PIEZO2: variants seen among roughly 807,000 people sequenced by gnomAD.
PIEZO2 encodes piezo type mechanosensitive ion channel component 2, also known as piezo-type mechanosensitive ion channel component 2.
Under a neutral mutation model 337.3 loss-of-function variants are expected in PIEZO2, and 172 were observed. The ratio of observed to expected loss-of-function variants is 0.51; its 90% confidence interval spans 0.45 to 0.58. The LOEUF is 0.58. Ranked by LOEUF, PIEZO2 falls within the 20% of genes least tolerant of loss-of-function variation. The probability of loss-of-function intolerance (pLI) is 0.00; values close to 1 mark genes in which losing one functional copy is unlikely to be tolerated. For synonymous variants in PIEZO2, 1,251 were observed against 1,228.5 expected (o/e 1.02, Z -0.38); for missense variants, 3,028 against 3,391.3 (o/e 0.89, Z 2.66).
intron 1 of PIEZO2, among the ~76,000 whole-genome samples, chr18:11,090,513 C>G (rs1243636347): frequency 6.6e-6 from 1 of 152,166 alleles, no homozygotes; most frequent in Non-Finnish European, 1.5e-5. Context: ...TATTTCCAAC[C>G]TGAAAGGGTA....
chr18:10,736,169 C>G (rs2036985866), intron 34 of PIEZO2, among the ~76,000 whole-genome samples: 1 of 152,174 alleles, frequency 6.6e-6, no homozygotes, highest in Admixed American at 6.5e-5. Context: ...TTTTCAAACT[C>G]TGAAGCAACA....
intron 2 of PIEZO2, among the ~76,000 whole-genome samples, chr18:11,010,445 C>CAG (rs1316942090): frequency 3.0e-4 from 46 of 152,176 alleles, no homozygotes; most frequent in Admixed American, 3.0e-3. Flanking sequence ...ACACAATCCT[C>CAG]TAAGAGCCAA....
At chr18:10,786,975 T>G in intron 16 of PIEZO2, 61 bp downstream of exon 16, 1 of 1,426,138 alleles carries the variant, frequency 7.0e-7, no homozygotes. Flanking sequence ...TTAAAGATGC[T>G]TTGAACAATA....
In PIEZO2 at chr18:10,682,826, G is replaced by A. The variant is rs188076092; in HGVS notation, c.7498-534C>T. On this transcript the variant is annotated intron_variant, in intron 49 of 55. Transcript: ENST00000674853. This position sits in a 1 kb window ranked among gnomAD's most constrained non-coding sequence, Gnocchi z 5.6. ...AGGTAAGATTTGTATGATTAGAAGA[G>A]CCCCCTCTGGGCACTGGCTGTAGGG... Among the ~76,000 whole-genome samples the A allele has an allele frequency of 2.6e-5, 4 of 151,962 alleles. No individual in the cohort carries two copies. The highest frequency in any genetic ancestry group is 9.6e-5 in the African/African-American group (4 of 41,484).
chr18:11,115,341 C>A (rs141198281), intron 1 of PIEZO2, among the ~76,000 whole-genome samples: 5 of 152,064 alleles, frequency 3.3e-5, no homozygotes, highest in Middle Eastern at 3.2e-3. Flanking sequence ...ACAAAAGAAC[C>A]AAAATCCTTG....
In PIEZO2 at chr18:10,773,473, G is replaced by C; in HGVS notation, c.2724C>G (p.Ser908Arg). 1 of 1,537,312 alleles carries C rather than the reference G, an allele frequency of 6.5e-7. No individual in the cohort carries two copies. Among genetic ancestry groups the C allele is most frequent in the Non-Finnish European group, 8.7e-7 (1 of 1,146,956 alleles). Residue 908 changes from serine (S) to arginine (R), a missense_variant, in exon 20 of 56, where the codon AGC becomes AGG. Physicochemically the swap from Ser to Arg is moderately radical, Grantham distance 110. Transcript: ENST00000674853. This position sits in a 1 kb window ranked among gnomAD's most constrained non-coding sequence, Gnocchi z 5.3. Reference sequence around the variant, plus strand: ...CCTCTCCGTCCTCCTCTGACTCCTCGCTGTCTTTCCCAAGATCACCCTTCT... The same window carrying C: ...CCTCTCCGTCCTCCTCTGACTCCTCCCTGTCTTTCCCAAGATCACCCTTCT... ...KAQKGDLGKD[S>R]EESEEDGEEE...
chr18:10,909,118 G>A (rs2030230998), intron 4 of PIEZO2, among the ~76,000 whole-genome samples: 1 of 152,176 alleles, frequency 6.6e-6, no homozygotes, highest in Non-Finnish European at 1.5e-5. Flanking sequence ...CAGGAAACAC[G>A]AAAACGATAG....
chr18:10,961,973 C>T (rs921641746), intron 3 of PIEZO2, among the ~76,000 whole-genome samples: 6 of 152,102 alleles, frequency 3.9e-5, no homozygotes, highest in African/African-American at 1.4e-4. Flanking sequence ...TTGGCTTTCC[C>T]TGGAGGGTGT....
At chr18:10,966,351 C>A (rs2033999364) in intron 3 of PIEZO2, among the ~76,000 whole-genome samples, 1 of 152,316 alleles carries the variant, frequency 6.6e-6, no homozygotes, top group Middle Eastern at 3.4e-3. Flanking sequence ...AGCTGTCATT[C>A]CTTCTGGATG....
At position 10,724,763 on chromosome 18, in the gene PIEZO2, T is replaced by G. The variant is rs1421178495; in HGVS notation, c.5030-6504A>C. On this transcript the variant is annotated intron_variant, in intron 36 of 55. Transcript: ENST00000674853. This position sits in a 1 kb window ranked among gnomAD's most constrained non-coding sequence, Gnocchi z 5.8. ...TGGTCTCAGTCCCTGGCCTTGCCCGTGGCTCTGGCAGTCCCCCCAGCACTG... is the reference window on the plus strand; with the variant it reads ...TGGTCTCAGTCCCTGGCCTTGCCCGGGGCTCTGGCAGTCCCCCCAGCACTG... 6.4e-7 allele frequency: 1 copy of G among 1,564,264 alleles called. No homozygotes were observed. Among genetic ancestry groups the G allele is most frequent in the Non-Finnish European group, 8.7e-7 (1 of 1,152,350 alleles).
chr18:10,930,775 GTTA>G (rs1168275900), intron 3 of PIEZO2, among the ~76,000 whole-genome samples: 1 of 152,166 alleles, frequency 6.6e-6, no homozygotes, highest in African/African-American at 2.4e-5. Context: ...GACATAGGCA[GTTA>G]TTAAAGATAA....
chr18:11,058,163 A>G (rs979019661), intron 2 of PIEZO2, among the ~76,000 whole-genome samples: 2 of 152,224 alleles, frequency 1.3e-5, no homozygotes, highest in African/African-American at 4.8e-5. Context: ...ACTGTTCTGC[A>G]GCCTCCGCTG....
In PIEZO2 at chr18:11,146,683, A is replaced by G. The variant is rs529306083; in HGVS notation, c.64+1842T>C. 6.6e-6 allele frequency among the ~76,000 whole-genome samples: 1 copy of G among 152,360 alleles called. No individual in the cohort carries two copies. Among genetic ancestry groups the G allele is most frequent in the Admixed American group, 6.5e-5 (1 of 15,308 alleles). On this transcript the variant is annotated intron_variant, in intron 1 of 55. Transcript: ENST00000674853. The surrounding 1 kb of genome is among the most constrained non-coding windows in gnomAD (Gnocchi z 6.1). ...GCCCAACCTGCAAGAGCCTATGCTC[A>G]GGGCAAGGTCGCAGGCAATCGCTGC...
intron 2 of PIEZO2, among the ~76,000 whole-genome samples, chr18:11,050,080 T>C (rs12959542): frequency 0.28 from 42,178 of 151,962 alleles, 6,878 homozygotes; most frequent in East Asian, 0.61. Context: ...AAGGCAACAA[T>C]GGAATATGAC....
rs141137670 is a variant in PIEZO2, at chr18:11,003,251, G to GT, written c.161-23592dup. Among the ~76,000 whole-genome samples, 2,277 of 151,740 alleles carry GT rather than the reference G, an allele frequency of 0.015. 65 individuals are homozygous for GT. Among genetic ancestry groups the GT allele is most frequent in the African/African-American group, 0.051 (2,084 of 41,100 alleles). ...TCTGGTCTAGGATGTGTTTTCTTTTGTTGTTTGTTTGTTTTGTTTTGTTTT... is the reference window on the plus strand; with the variant it reads ...TCTGGTCTAGGATGTGTTTTCTTTTGTTTGTTTGTTTGTTTTGTTTTGTTTT... On this transcript the variant is annotated intron_variant, in intron 2 of 55. Transcript: ENST00000674853. The surrounding 1 kb of genome is among the most constrained non-coding windows in gnomAD (Gnocchi z 4.6).
rs934508779 is a variant in PIEZO2 at position 10,671,324 on chromosome 18, T to C, written c.*203A>G. 4 of 488,262 alleles carry C rather than the reference T, an allele frequency of 8.2e-6. No individual in the cohort carries two copies. The highest frequency in any genetic ancestry group is 1.4e-5 in the Non-Finnish European group (4 of 282,578). The allele number at this position is 488,262 out of a possible 1,614,324, so 30.2% of individuals were successfully genotyped here. ...GCAAGTAGCCCTGATTTCAGAGAAA[T>C]GGAGTTACAAATAACATTTTCAACA... On this transcript the variant is annotated 3_prime_UTR_variant, in exon 56 of 56. Coordinates refer to ENST00000674853, the MANE Select transcript of PIEZO2 (RefSeq NM_001378183.1).
In PIEZO2 at chr18:11,075,477, G is replaced by A. The variant is rs546393604; in HGVS notation, c.65-9255C>T. 2.6e-5 allele frequency among the ~76,000 whole-genome samples: 4 copies of A among 152,324 alleles called. No homozygotes were observed. The East Asian group carries it at 7.7e-4, about 29-fold the overall frequency. On this transcript the variant is annotated intron_variant, in intron 1 of 55. Coordinates refer to ENST00000674853, the MANE Select transcript of PIEZO2 (RefSeq NM_001378183.1). Reference sequence around the variant, plus strand: ...ATCTACTCTGTGTTTTACATCGGTTGAAACCGTAAATGTCTCAAACAGCGA... The same window carrying A: ...ATCTACTCTGTGTTTTACATCGGTTAAAACCGTAAATGTCTCAAACAGCGA...
rs1220298388 is a variant in PIEZO2, at chr18:10,782,489, ATAT to A, written c.2493-2126_2493-2124del. Among the ~76,000 whole-genome samples the A allele has an allele frequency of 5.4e-5, 7 of 129,920 alleles. No homozygotes were observed. In the East Asian group the frequency reaches 8.1e-4, roughly 15 times the overall value. 85.2% of individuals were successfully genotyped at this position (129,920 alleles called of 152,430 possible). A position where few individuals can be genotyped will look rare whatever the true frequency, so the allele number is the denominator to read the frequency against. On this transcript the variant is annotated intron_variant, in intron 17 of 55. Coordinates refer to ENST00000674853, the MANE Select transcript of PIEZO2 (RefSeq NM_001378183.1). ...TATTAAATAATATATATTATATTAA[ATAT>A]TATATTCTTATATTATATATATTAT...
chr18:11,100,585 C>G (rs1049905772), intron 1 of PIEZO2, among the ~76,000 whole-genome samples: 2 of 152,112 alleles, frequency 1.3e-5, no homozygotes, highest in African/African-American at 4.8e-5. Flanking sequence ...CAGGGTCATG[C>G]TCACCACATT....
Sources: gnomAD v4.1 joint callset for allele counts (sites outside exome capture counted in the v4.1 genomes callset) on GRCh38, gnomAD v4.1.1 for gene constraint, Gnocchi (gnomAD v3.1) non-coding constraint, MANE v1.5 for transcripts, NCBI Gene and HGNC (gene_info 2026-07-23, HGNC 2026-07-21) for gene names.